The following SGTA variants were observed in gnomAD, a reference collection of about 807,000 sequenced individuals.
SGTA encodes the protein small glutamine rich tetratricopeptide repeat co-chaperone alpha, also known as small glutamine-rich tetratricopeptide repeat-containing protein alpha.
SGTA carries 22 observed loss-of-function variants against 44.3 expected under a neutral mutation model. The ratio of observed to expected loss-of-function variants is 0.50; its 90% CI spans 0.36 to 0.71. SGTA has a LOEUF of 0.71. Ranked by LOEUF, SGTA falls within the 30% of genes least tolerant of loss-of-function variation. The probability of loss-of-function intolerance (pLI) is 0.00; values close to 1 mark genes in which losing one functional copy is unlikely to be tolerated. For missense variants in SGTA, 341 were observed against 435.9 expected (o/e 0.78, Z 1.94); for synonymous variants, 174 against 177.6 (o/e 0.98, Z 0.16).
intron 1 of SGTA, among the ~76,000 whole-genome samples, chr19:2,779,919 C>G (rs951389192): frequency 1.3e-5 from 2 of 151,276 alleles, no homozygotes; most frequent in African/African-American, 4.9e-5. Flanking sequence ...ACAAAAGAGA[C>G]TCTAAAAAAA....
At position 2,755,975 on chromosome 19, in the gene SGTA, G is replaced by A. The variant is rs1180267134; in HGVS notation, c.*7-42C>T. The stretch of plus-strand genomic sequence containing the variant: ...ATGAAGGCTGTCAGAGCGCAGGTGG[G>A]GACCAAGGCTGCACCACACACTCCA... On this transcript the variant is annotated intron_variant, in intron 11 of 11. Transcript: ENST00000221566. The surrounding 1 kb of genome is among the most constrained non-coding windows in gnomAD (Gnocchi z 5.2). 2 of 975,882 alleles carry A rather than the reference G, an allele frequency of 2.0e-6. No homozygotes were observed. Among genetic ancestry groups the A allele is most frequent in the Non-Finnish European group, 2.4e-6 (2 of 821,460 alleles). The allele number at this position is 975,882 out of a possible 1,614,324, so 60.5% of individuals were successfully genotyped here.
chr19:2,767,043 G>T lies in SGTA; in HGVS notation c.292+93C>A. 1 of 921,010 alleles carries T rather than the reference G, an allele frequency of 1.1e-6. No homozygotes were observed. The highest frequency in any genetic ancestry group is 1.7e-6 in the Non-Finnish European group (1 of 572,320). The allele number at this position is 921,010 out of a possible 1,614,324, so 57.1% of individuals were successfully genotyped here. On this transcript the variant is annotated intron_variant, in intron 4 of 11. Coordinates refer to ENST00000221566, the MANE Select transcript of SGTA (RefSeq NM_003021.4). This position sits in a 1 kb window ranked among gnomAD's most constrained non-coding sequence, Gnocchi z 7.3. The stretch of plus-strand genomic sequence containing the variant: ...ATCAGGGCAATTCCCTCAGCTCCCT[G>T]GGCCCCAGGGACCAGCTGGCCTCTG...
chr19:2,780,634 A>G (rs545646098), intron 1 of SGTA, among the ~76,000 whole-genome samples: 72 of 152,288 alleles, frequency 4.7e-4, no homozygotes, highest in Admixed American at 2.7e-3. Flanking sequence ...AAGGCTTTCT[A>G]TCTCTTGACA....
intron 2 of SGTA, among the ~76,000 whole-genome samples, 162 bp downstream of exon 2, chr19:2,768,807 G>A (rs1025660062): frequency 6.6e-6 from 1 of 152,216 alleles, no homozygotes; most frequent in East Asian, 1.9e-4. Flanking sequence ...TCCCACGGCC[G>A]GGGGCTGTGT....
At chr19:2,764,410 AT>A (rs1189145115) in intron 5 of SGTA, among the ~76,000 whole-genome samples, 1 of 152,162 alleles carries the variant, frequency 6.6e-6, no homozygotes, top group Non-Finnish European at 1.5e-5. Flanking sequence ...TGTATTTATT[AT>A]TTTTGAAACA....
Position 2,765,316 on chromosome 19 carries a change from T to C in SGTA, c.293-31A>G. On this transcript the variant is annotated intron_variant, in intron 4 of 11. Coordinates refer to ENST00000221566, the MANE Select transcript of SGTA (RefSeq NM_003021.4). The surrounding 1 kb of genome is among the most constrained non-coding windows in gnomAD (Gnocchi z 5.5). ...GGGAGAGAGGAAAACACCGGCCCGG[T>C]GTCCACACAGACCGGAGGGGGTGTC... 2 of 1,535,598 alleles carry C rather than the reference T, an allele frequency of 1.3e-6. No homozygotes were observed. Among genetic ancestry groups the C allele is most frequent in the Non-Finnish European group, 1.8e-6 (2 of 1,112,116 alleles).
chr19:2,761,468 T>C lies in SGTA; in HGVS notation c.691A>G (p.Met231Val). The C allele has an allele frequency of 6.4e-7, 1 of 1,551,616 alleles. No individual in the cohort carries two copies. The highest frequency in any genetic ancestry group is 8.7e-7 in the Non-Finnish European group (1 of 1,146,942). The change falls in exon 8 of 12, where the codon ATG becomes GTG. Residue 231 changes from methionine (M) to valine (V), a missense_variant. Transcript: ENST00000221566. This position sits in a 1 kb window ranked among gnomAD's most constrained non-coding sequence, Gnocchi z 5.7. ...GAGGGGCGGGCCGTTACCATGCTCA[T>C]GAAGCCAGGGTTGTTCAGCAGGCCG... Reference protein sequence around the residue: ...IAGLLNNPGFMSMASNLMNNP... With the variant: ...IAGLLNNPGFVSMASNLMNNP...
intron 8 of SGTA, among the ~76,000 whole-genome samples, chr19:2,760,549 A>C (rs1914959808): frequency 6.6e-6 from 1 of 151,648 alleles, no homozygotes; most frequent in African/African-American, 2.4e-5. Context: ...AACCAAAAAA[A>C]ACTTTATTAA....
intron 9 of SGTA, 107 bp from the exon 10 acceptor site, chr19:2,757,889 C>T (rs1309589750): frequency 1.4e-6 from 1 of 714,348 alleles, no homozygotes; most frequent in East Asian, 3.0e-5. Context: ...CTTCACCTTC[C>T]CCTGCAGGAG....
chr19:2,768,456 C>G (rs1202809468), intron 2 of SGTA, among the ~76,000 whole-genome samples: 1 of 152,152 alleles, frequency 6.6e-6, no homozygotes, highest in Non-Finnish European at 1.5e-5. Context: ...TGCAGCCACA[C>G]GAGGGTGCCT....
At chr19:2,777,280 G>A (rs1243197502) in intron 1 of SGTA, among the ~76,000 whole-genome samples, 2 of 151,574 alleles carry the variant, frequency 1.3e-5, no homozygotes, top group African/African-American at 4.9e-5. Context: ...CAGGCGCAGT[G>A]GCTCACACCT....
intron 2 of SGTA, 82 bp downstream of exon 2, chr19:2,768,887 C>T: frequency 3.0e-6 from 3 of 991,710 alleles, no homozygotes; most frequent in South Asian, 2.6e-5. Flanking sequence ...GGGGACCAGG[C>T]ATCTACACAC....
intron 1 of SGTA, chr19:2,782,637 G>C (rs972091885): frequency 2.0e-5 from 3 of 152,200 alleles, no homozygotes; most frequent in Admixed American, 2.0e-4. Flanking sequence ...CCCACCTCTA[G>C]CACGATATGC....
chr19:2,778,555 C>T (rs1404848177), intron 1 of SGTA, among the ~76,000 whole-genome samples: 1 of 152,102 alleles, frequency 6.6e-6, no homozygotes, highest in Non-Finnish European at 1.5e-5. Context: ...GGGTCTCCAC[C>T]CTACCCCATC....
At chr19:2,771,337 T>A (rs1915296806) in intron 1 of SGTA, among the ~76,000 whole-genome samples, 1 of 151,890 alleles carries the variant, frequency 6.6e-6, no homozygotes, top group Admixed American at 6.6e-5. Context: ...GGCAGGAGAA[T>A]CACTTGAACC....
Position 2,755,822 on chromosome 19 carries a change from T to G in SGTA, c.*118A>C. On this transcript the variant is annotated 3_prime_UTR_variant, in exon 12 of 12. Transcript: ENST00000221566. The surrounding 1 kb of genome is among the most constrained non-coding windows in gnomAD (Gnocchi z 5.2). ...GGGAAAATCCATCTTGACATGCAGG[T>G]CCGAGGTCTCTCTCTTCCCCTCTCT... 1 of 985,458 alleles carries G rather than the reference T, an allele frequency of 1.0e-6. No individual in the cohort carries two copies. The highest frequency in any genetic ancestry group is 1.2e-6 in the Non-Finnish European group (1 of 830,000). 61.0% of individuals were successfully genotyped at this position (985,458 alleles called of 1,614,324 possible). A position where few individuals can be genotyped will look rare whatever the true frequency, so the allele number is the denominator to read the frequency against.
chr19:2,755,591 C>T lies in SGTA; in HGVS notation c.*349G>A, dbSNP rs756723566. 18 of 985,488 alleles carry T rather than the reference C, an allele frequency of 1.8e-5. No individual in the cohort carries two copies. Among genetic ancestry groups the T allele is most frequent in the South Asian group, 1.4e-4 (3 of 21,296 alleles). The allele number at this position is 985,488 out of a possible 1,614,324, so 61.0% of individuals were successfully genotyped here. On this transcript the variant is annotated 3_prime_UTR_variant, in exon 12 of 12. Transcript: ENST00000221566. This position sits in a 1 kb window ranked among gnomAD's most constrained non-coding sequence, Gnocchi z 5.2. ...TTTGGAAGCCACACGATCCGCCACA[C>T]GGCTGAACGTGAAACCTGCCACTTC...
chr19:2,757,614 C>T lies in SGTA; in HGVS notation c.827+79G>A, dbSNP rs980686597. 1.7e-5 allele frequency: 25 copies of T among 1,443,690 alleles called. No homozygotes were observed. In the Middle Eastern group the frequency reaches 1.1e-3, roughly 63 times the overall value. The allele number at this position is 1,443,690 out of a possible 1,614,324, so 89.4% of individuals were successfully genotyped here. A position where few individuals can be genotyped will look rare whatever the true frequency, so the allele number is the denominator to read the frequency against. On this transcript the variant is annotated intron_variant, in intron 10 of 11. Transcript: ENST00000221566. The stretch of plus-strand genomic sequence containing the variant: ...TTCGGAGCAGGGGACGCAGCACTTT[C>T]GCTCTCCTCCTTCCCTTCCGCCTGC...
intron 1 of SGTA, among the ~76,000 whole-genome samples, chr19:2,775,391 C>A (rs112520743): frequency 6.6e-6 from 1 of 152,224 alleles, no homozygotes; most frequent in Non-Finnish European, 1.5e-5. Context: ...GGCATTGGCC[C>A]GCCACGCTTT....
Sources: allele counts gnomAD v4.1 joint callset (sites outside exome capture counted in the v4.1 genomes callset), GRCh38; gene constraint gnomAD v4.1.1; non-coding constraint Gnocchi (gnomAD v3.1); transcripts MANE v1.5; gene names NCBI Gene and HGNC (gene_info 2026-07-23, HGNC 2026-07-21).